TFEC: variants seen among roughly 807,000 people sequenced by gnomAD.
TFEC encodes transcription factor EC.
Under a neutral mutation model 41.6 loss-of-function variants are expected in TFEC, and 31 were observed. The ratio of observed to expected loss-of-function variants is 0.74; its 90% CI spans 0.56 to 1.01. The LOEUF is 1.01. Ranked by LOEUF, TFEC falls within the 50% of genes least tolerant of loss-of-function variation. The probability of loss-of-function intolerance (pLI) is 0.00; values close to 1 mark genes in which losing one functional copy is unlikely to be tolerated. For missense variants in TFEC, 402 were observed against 404.1 expected, an observed-to-expected ratio of 0.99 and a Z score of 0.04; for synonymous variants, 143 against 140.6, an observed-to-expected ratio of 1.02 and a Z score of -0.12.
At chr7:116,017,286 A>G (rs1161727342) in intron 1 of TFEC, among the ~76,000 whole-genome samples, 1 of 152,146 alleles carries the variant, frequency 6.6e-6, no homozygotes, top group Non-Finnish European at 1.5e-5. Flanking sequence ...CAGTGGCACG[A>G]TCTCCACTCA....
intron 1 of TFEC, among the ~76,000 whole-genome samples, chr7:116,151,267 G>T (rs1798755509): frequency 7.2e-6 from 1 of 138,998 alleles, no homozygotes; most frequent in South Asian, 2.2e-4. Flanking sequence ...TTTTGAGATG[G>T]AGTCTCGCTC....
intron 5 of TFEC, among the ~76,000 whole-genome samples, chr7:115,953,862 T>A (rs1792077536): frequency 6.6e-6 from 1 of 152,080 alleles, no homozygotes; most frequent in Admixed American, 6.6e-5. Context: ...AAATTAGTCA[T>A]TAGTTTTAGG....
At chr7:115,953,491 C>T (rs1439736349) in intron 5 of TFEC, among the ~76,000 whole-genome samples, 1 of 151,920 alleles carries the variant, frequency 6.6e-6, no homozygotes, top group Non-Finnish European at 1.5e-5. Context: ...TACAGGACAC[C>T]ATGTTACTCT....
intron 1 of TFEC, among the ~76,000 whole-genome samples, chr7:116,001,356 G>A (rs1160890974): frequency 6.6e-6 from 1 of 151,942 alleles, no homozygotes; most frequent in Non-Finnish European, 1.5e-5. Context: ...TTAACGAGAC[G>A]TGGCAGTGTG....
chr7:116,048,791 AACTC>A (rs1796235013), intron 3 of TFEC, among the ~76,000 whole-genome samples: 1 of 152,234 alleles, frequency 6.6e-6, no homozygotes, highest in African/African-American at 2.4e-5. Context: ...TCTCAGCAGA[AACTC>A]TACAAGCCAG....
chr7:115,938,039 A>T lies in TFEC; in HGVS notation c.*2512T>A, dbSNP rs1018871326. On this transcript the variant is annotated 3_prime_UTR_variant, in exon 8 of 8. Coordinates refer to ENST00000265440, the MANE Select transcript of TFEC (RefSeq NM_012252.4). ...TCATTACCCTTTTTACAGTTCCCTG[A>T]CATCTCATAATCTGAATGTAGCAGC... is the stretch of plus-strand genomic sequence containing the variant. The T allele has an allele frequency of 6.6e-6, 1 of 151,854 alleles. No individual in the cohort carries two copies. Among genetic ancestry groups the T allele is most frequent in the Non-Finnish European group, 1.5e-5 (1 of 67,856 alleles). The allele number at this position is 151,854 out of a possible 1,614,324, so 9.4% of individuals were successfully genotyped here. A position where few individuals can be genotyped will look rare whatever the true frequency, so the allele number is the denominator to read the frequency against.
At chr7:116,108,044 T>C (rs956344389) in intron 3 of TFEC, among the ~76,000 whole-genome samples, 1 of 152,172 alleles carries the variant, frequency 6.6e-6, no homozygotes, top group Non-Finnish European at 1.5e-5. Context: ...GAACTCAGAA[T>C]CTTCTACAAC....
At chr7:116,122,999 TC>T (rs1164442385) in intron 1 of TFEC, among the ~76,000 whole-genome samples, 2 of 150,806 alleles carry the variant, frequency 1.3e-5, no homozygotes, top group East Asian at 2.0e-4. Flanking sequence ...TTTTAACCAA[TC>T]CCCCCATCTT....
rs1793187713 is a variant in TFEC, at chr7:115,935,552, G to A, written c.*4999C>T. 1 of 151,786 alleles carries A rather than the reference G, an allele frequency of 6.6e-6. No homozygotes were observed. Among genetic ancestry groups the A allele is most frequent in the Non-Finnish European group, 1.5e-5 (1 of 67,646 alleles). 9.4% of individuals were successfully genotyped at this position (151,786 alleles called of 1,614,324 possible). ...GAATTTCGTTTGCTTTTAAAATTCA[G>A]TATCATATTTAAAGAACAATATGTA... On this transcript the variant is annotated 3_prime_UTR_variant, in exon 8 of 8. Coordinates refer to ENST00000265440, the MANE Select transcript of TFEC (RefSeq NM_012252.4).
chr7:115,945,904 C>T (rs775196834), intron 6 of TFEC, among the ~76,000 whole-genome samples: 25 of 151,690 alleles, frequency 1.6e-4, no homozygotes, highest in Non-Finnish European at 2.7e-4. Flanking sequence ...TTTCATGCTA[C>T]AATGCCAGAG....
At chr7:116,054,885 C>G (rs995410161) in intron 3 of TFEC, among the ~76,000 whole-genome samples, 1 of 152,000 alleles carries the variant, frequency 6.6e-6, no homozygotes, top group African/African-American at 2.4e-5. Flanking sequence ...GCAAACAGAG[C>G]AATGAATAAG....
At chr7:116,047,798 G>A (rs544092393) in intron 3 of TFEC, among the ~76,000 whole-genome samples, 14 of 152,270 alleles carry the variant, frequency 9.2e-5, no homozygotes, top group African/African-American at 1.7e-4. Flanking sequence ...CCTCTGAGAC[G>A]AAGCTTCCAG....
chr7:116,019,911 A>T (rs138195192), intron 1 of TFEC, among the ~76,000 whole-genome samples: 20 of 152,340 alleles, frequency 1.3e-4, no homozygotes, highest in Non-Finnish European at 7.4e-5. Context: ...TTAATCTAAA[A>T]ATCAAACCAA....
intron 1 of TFEC, among the ~76,000 whole-genome samples, chr7:116,138,011 T>C (rs1250437273): frequency 6.6e-6 from 1 of 152,136 alleles, no homozygotes; most frequent in African/African-American, 2.4e-5. Flanking sequence ...CCATGCACTT[T>C]ATATGTGAAA....
At chr7:116,053,839 T>C (rs1796368866) in intron 3 of TFEC, among the ~76,000 whole-genome samples, 1 of 152,216 alleles carries the variant, frequency 6.6e-6, no homozygotes. Flanking sequence ...TTATAAATTA[T>C]TCCATTTGAG....
At chr7:116,057,199 T>G (rs577877868) in intron 3 of TFEC, among the ~76,000 whole-genome samples, 1 of 152,110 alleles carries the variant, frequency 6.6e-6, no homozygotes, top group African/African-American at 2.4e-5. Context: ...CTAAAATGTA[T>G]ATCATTACAG....
At chr7:115,960,080 C>G (rs989106872) in intron 3 of TFEC, among the ~76,000 whole-genome samples, 1 of 150,874 alleles carries the variant, frequency 6.6e-6, no homozygotes, top group Non-Finnish European at 1.5e-5. Context: ...ATAGAAAAGA[C>G]CTGCATTCAG....
At chr7:116,026,500 A>G (rs1482857973) in intron 1 of TFEC, among the ~76,000 whole-genome samples, 1 of 152,072 alleles carries the variant, frequency 6.6e-6, no homozygotes, top group Non-Finnish European at 1.5e-5. Context: ...CTCCTCCTCT[A>G]CTTGTACACC....
chr7:115,952,111 T>C (rs1027616177), intron 5 of TFEC, among the ~76,000 whole-genome samples: 4 of 152,118 alleles, frequency 2.6e-5, no homozygotes, highest in African/African-American at 9.6e-5. Context: ...GACTATCAAT[T>C]GCCTTGGTGA....
Sources: allele counts gnomAD v4.1 joint callset (sites outside exome capture counted in the v4.1 genomes callset), GRCh38; gene constraint gnomAD v4.1.1; transcripts MANE v1.5; gene names NCBI Gene and HGNC (gene_info 2026-07-23, HGNC 2026-07-21).